The following NR3C1 variants were observed in gnomAD, a reference collection of about 807,000 sequenced individuals.
NR3C1 encodes glucocorticoid receptor.
In NR3C1, 14 loss-of-function variants were observed where a neutral mutation model predicts 74.0. That is an observed-to-expected ratio of 0.19 (90% CI 0.12 to 0.30). The LOEUF is 0.30. Among genes scored for constraint, NR3C1 ranks in the 10% least tolerant of loss-of-function variants. NR3C1 has a pLI of 1.00. For synonymous variants in NR3C1, 308 were observed against 332.5 expected, an observed-to-expected ratio of 0.93 and a Z score of 0.80; for missense variants, 695 against 909.8, an observed-to-expected ratio of 0.76 and a Z score of 3.04.
chr5:143,289,348 T>C (rs1412660836), intron 7 of NR3C1, among the ~76,000 whole-genome samples: 2 of 152,132 alleles, frequency 1.3e-5, no homozygotes, highest in East Asian at 1.9e-4. Flanking sequence ...AGTAACTCAA[T>C]AGGGAAAAGA....
At chr5:143,416,402 T>TG (rs1371566900) in intron 1 of NR3C1, among the ~76,000 whole-genome samples, 22 of 151,900 alleles carry the variant, frequency 1.4e-4, no homozygotes, top group Admixed American at 1.3e-3. Flanking sequence ...GCTGATACGA[T>TG]GCAAGCTTGG....
intron 1 of NR3C1, among the ~76,000 whole-genome samples, chr5:143,424,183 G>C (rs4434414): frequency 0.23 from 35,273 of 151,524 alleles, 4,903 homozygotes; most frequent in Admixed American, 0.32. Flanking sequence ...TGCACATTGT[G>C]CACATGTACC....
At chr5:143,408,613 A>AT (rs1025096737), upstream of NR3C1, among the ~76,000 whole-genome samples, 12 of 152,158 alleles carry the variant, frequency 7.9e-5, no homozygotes, top group African/African-American at 2.7e-4. Context: ...TAGGAAATTC[A>AT]TTTTTTGTTT....
chr5:143,295,163 T>C (rs1424282236), intron 7 of NR3C1: 2 of 985,292 alleles, frequency 2.0e-6, no homozygotes, highest in African/African-American at 1.7e-5. Flanking sequence ...TTTCCATGTC[T>C]TCCCATGATC....
At chr5:143,291,159 C>T (rs1442073414) in intron 7 of NR3C1, among the ~76,000 whole-genome samples, 1 of 152,066 alleles carries the variant, frequency 6.6e-6, no homozygotes, top group Non-Finnish European at 1.5e-5. Context: ...TAGTAAATGT[C>T]AGTTTAAATG....
chr5:143,316,496 A>C (rs760450191), intron 2 of NR3C1, among the ~76,000 whole-genome samples: 1 of 152,174 alleles, frequency 6.6e-6, no homozygotes, highest in African/African-American at 2.4e-5. Flanking sequence ...TTTAGCTCTC[A>C]ATAACCCTGT....
At chr5:143,356,514 T>C (rs1304658528) in intron 2 of NR3C1, among the ~76,000 whole-genome samples, 1 of 152,108 alleles carries the variant, frequency 6.6e-6, no homozygotes, top group Non-Finnish European at 1.5e-5. Context: ...CAATATTTAA[T>C]ACTTTCTTTG....
At chr5:143,410,705 C>T (rs1309806284) in intron 1 of NR3C1, among the ~76,000 whole-genome samples, 3 of 152,110 alleles carry the variant, frequency 2.0e-5, no homozygotes, top group Admixed American at 6.6e-5. Flanking sequence ...TGTGTTCAAA[C>T]GTTTTTAAAC....
At chr5:143,375,981 G>A (rs1271272367) in intron 2 of NR3C1, 1 of 152,052 alleles carries the variant, frequency 6.6e-6, no homozygotes, top group South Asian at 2.1e-4. Context: ...ATGCTAACAG[G>A]CATAATGCTC....
intron 2 of NR3C1, among the ~76,000 whole-genome samples, chr5:143,384,323 C>A (rs995373138): frequency 2.6e-5 from 4 of 152,152 alleles, no homozygotes; most frequent in African/African-American, 9.7e-5. Flanking sequence ...CTGCCCCCGG[C>A]CCCTCCTAAA....
intron 1 of NR3C1, 139 bp from the exon 2 acceptor site, chr5:143,400,991 G>A (rs1185597141): frequency 4.1e-6 from 3 of 731,874 alleles, no homozygotes; most frequent in East Asian, 2.7e-5. Flanking sequence ...GTTACCAGAA[G>A]AGTAGTTTCT....
At chr5:143,425,774 G>A (rs757878535) in intron 1 of NR3C1, among the ~76,000 whole-genome samples, 6 of 152,130 alleles carry the variant, frequency 3.9e-5, no homozygotes, top group Non-Finnish European at 7.4e-5. Context: ...CATTGCCAGC[G>A]AAATTATAAA....
intron 1 of NR3C1, among the ~76,000 whole-genome samples, chr5:143,415,024 G>A (rs192906320): frequency 6.6e-5 from 10 of 151,958 alleles, no homozygotes; most frequent in South Asian, 4.2e-4. Flanking sequence ...TTGTGTAGAC[G>A]GCATTAGAAG....
intron 2 of NR3C1, among the ~76,000 whole-genome samples, chr5:143,347,665 T>C (rs1386666791): frequency 6.6e-6 from 1 of 152,234 alleles, no homozygotes; most frequent in Non-Finnish European, 1.5e-5. Flanking sequence ...GTAAAGACTA[T>C]AAAATCACAT....
chr5:143,319,795 G>C (rs891027025), intron 2 of NR3C1, among the ~76,000 whole-genome samples: 6 of 150,706 alleles, frequency 4.0e-5, no homozygotes, highest in African/African-American at 1.2e-4. Flanking sequence ...GCAACATAAA[G>C]TGGAAAAGAA....
At chr5:143,405,470 C>T (rs1325203106), upstream of NR3C1, 8 of 600,034 alleles carry the variant, frequency 1.3e-5, no homozygotes, top group African/African-American at 2.0e-5. Context: ...CGGCCACCAT[C>T]TTGGCAAAGG....
At chr5:143,287,714 G>A (rs568160708) in intron 7 of NR3C1, among the ~76,000 whole-genome samples, 1 of 152,264 alleles carries the variant, frequency 6.6e-6, no homozygotes, top group East Asian at 1.9e-4. Flanking sequence ...GAAAGTTGTA[G>A]ATCAGCATCC....
At chr5:143,305,809 C>T (rs531703508) in intron 4 of NR3C1, among the ~76,000 whole-genome samples, 5 of 152,104 alleles carry the variant, frequency 3.3e-5, no homozygotes, top group Non-Finnish European at 4.4e-5. Context: ...ATGAAAGGTT[C>T]AATCATACTC....
At chr5:143,291,604 T>C (rs1020230854) in intron 7 of NR3C1, among the ~76,000 whole-genome samples, 1 of 152,194 alleles carries the variant, frequency 6.6e-6, no homozygotes, top group Non-Finnish European at 1.5e-5. Flanking sequence ...AAATAGCTGA[T>C]TGGTGTACTT....
Sources: gnomAD v4.1 joint callset for allele counts (sites outside exome capture counted in the v4.1 genomes callset) on GRCh38, gnomAD v4.1.1 for gene constraint, MANE v1.5 for transcripts, NCBI Gene and HGNC (gene_info 2026-07-23, HGNC 2026-07-21) for gene names.